Variants in PREPL observed in about 807,000 individuals in gnomAD.
The protein encoded by PREPL is prolyl endopeptidase like.
In PREPL, 77 loss-of-function variants were observed where a neutral mutation model predicts 70.6. The ratio of observed to expected loss-of-function variants is 1.09; its 90% CI spans 0.91 to 1.32. PREPL has a LOEUF of 1.32. Among genes scored for constraint, PREPL ranks in the 40% most tolerant of loss-of-function variants. The pLI, the probability that PREPL is intolerant of heterozygous loss-of-function variation, is 0.00. For synonymous variants in PREPL, 315 were observed against 264.8 expected (o/e 1.19, Z -1.84); for missense variants, 1,002 against 778.2 (o/e 1.29, Z -3.42).
In PREPL at chr2:44,320,643, C is replaced by T. The variant is rs777174361; in HGVS notation, c.*713G>A. Reference sequence around the variant, plus strand: ...CATACTGTATACCTCGTGTTAGGCACCTTTATGAAGAGATGAAGACACTGG... The same window carrying T: ...CATACTGTATACCTCGTGTTAGGCATCTTTATGAAGAGATGAAGACACTGG... On this transcript the variant is annotated 3_prime_UTR_variant, in exon 14 of 14. Coordinates refer to ENST00000409411, the MANE Select transcript of PREPL (RefSeq NM_001171613.2). 24 of 1,611,378 alleles carry T rather than the reference C, an allele frequency of 1.5e-5. 2 individuals are homozygous for T. The South Asian group carries it at 2.4e-4, about 16-fold the overall frequency.
chr2:44,329,334 C>A (rs1572857991), intron 8 of PREPL, among the ~76,000 whole-genome samples: 1 of 152,158 alleles, frequency 6.6e-6, no homozygotes, highest in East Asian at 1.9e-4. Context: ...AAAAGAGCAG[C>A]AAGACTGGCC....
chr2:44,344,610 A>C (rs1473668781), intron 2 of PREPL, 24 bp from the exon 3 acceptor site: 2 of 1,526,676 alleles, frequency 1.3e-6, no homozygotes, highest in African/African-American at 2.8e-5. Context: ...CATGCAGTTT[A>C]CTTAATAATA....
chr2:44,323,499 C>T (rs1177681222), intron 10 of PREPL, 88 bp from the exon 11 acceptor site: 1 of 1,051,350 alleles, frequency 9.5e-7, no homozygotes, highest in African/African-American at 1.7e-5. Context: ...AATATACATA[C>T]TAATATGAGA....
intron 1 of PREPL, among the ~76,000 whole-genome samples, chr2:44,353,690 G>C (rs1023729522): frequency 1.3e-5 from 2 of 152,126 alleles, no homozygotes; most frequent in Non-Finnish European, 2.9e-5. Context: ...AGATGAAAGT[G>C]AGAGTCAAGA....
At chr2:44,339,012 A>G in intron 6 of PREPL, 135 bp downstream of exon 6, 1 of 1,390,490 alleles carries the variant, frequency 7.2e-7, no homozygotes, top group Admixed American at 2.7e-5. Context: ...CTAAGGGAAA[A>G]GAAATGGGAT....
At chr2:44,357,224 C>T (rs1677144660) in intron 1 of PREPL, among the ~76,000 whole-genome samples, 1 of 152,210 alleles carries the variant, frequency 6.6e-6, no homozygotes, top group Non-Finnish European at 1.5e-5. Flanking sequence ...TTTTCTGTTC[C>T]TTAGTTAACT....
intron 1 of PREPL, among the ~76,000 whole-genome samples, chr2:44,351,917 C>G (rs935214569): frequency 5.3e-5 from 8 of 152,322 alleles, no homozygotes; most frequent in Admixed American, 5.2e-4. Context: ...AAAATTCTTA[C>G]AATGGTCTAC....
rs766618229 is a variant in PREPL, at chr2:44,326,741, G to C, written c.1450C>G (p.Pro484Ala). 6.2e-7 allele frequency: 1 copy of C among 1,614,006 alleles called. No homozygotes were observed. Among genetic ancestry groups the C allele is most frequent in the Non-Finnish European group, 8.5e-7 (1 of 1,179,978 alleles). The change falls in exon 10 of 14, where the codon CCA becomes GCA. Residue 484 changes from proline to alanine, a missense_variant. Pro to Ala is a conservative substitution (Grantham distance 27). Coordinates refer to ENST00000409411, the MANE Select transcript of PREPL (RefSeq NM_001171613.2). The stretch of plus-strand genomic sequence containing the variant: ...AAAGTCACCGCTCTCACCAGCTCTG[G>C]ATTAGAATTACACAATGCTCCTGCA... The part of the protein sequence containing the change: ...VLAGALCNSN[P>A]ELVRAVTLEA...
intron 1 of PREPL, among the ~76,000 whole-genome samples, chr2:44,348,746 T>C (rs1676087935): frequency 6.6e-6 from 1 of 152,200 alleles, no homozygotes; most frequent in African/African-American, 2.4e-5. Flanking sequence ...CAAGCAGAAC[T>C]CAACAGCTTT....
intron 1 of PREPL, among the ~76,000 whole-genome samples, chr2:44,357,323 G>T (rs1246656889): frequency 6.6e-6 from 1 of 152,208 alleles, no homozygotes; most frequent in Non-Finnish European, 1.5e-5. Context: ...TATAAAAGTG[G>T]ACAGAGTTGG....
intron 13 of PREPL, 113 bp from the exon 14 acceptor site, chr2:44,321,558 G>A (rs1002456859): frequency 6.6e-7 from 1 of 1,508,270 alleles, no homozygotes; most frequent in South Asian, 1.3e-5. Context: ...AGCAATTTAT[G>A]GCAAGAATAC....
At chr2:44,361,840 A>G, upstream of PREPL, 8 of 1,276,030 alleles carry the variant, frequency 6.3e-6, no homozygotes, top group Non-Finnish European at 8.0e-6. Context: ...CCTGGTTGCC[A>G]AGGAGATGCG....
At chr2:44,345,201 G>A (rs546277347) in intron 2 of PREPL, among the ~76,000 whole-genome samples, 1 of 152,288 alleles carries the variant, frequency 6.6e-6, no homozygotes, top group South Asian at 2.1e-4. Flanking sequence ...TGGTTGATAT[G>A]ATTTCAGTGG....
intron 8 of PREPL, among the ~76,000 whole-genome samples, chr2:44,331,375 C>T (rs538880689): frequency 9.2e-5 from 14 of 152,086 alleles, no homozygotes; most frequent in African/African-American, 3.4e-4. Context: ...CCACCACACC[C>T]GGCTAATTTT....
intron 8 of PREPL, among the ~76,000 whole-genome samples, chr2:44,330,891 C>T (rs2103812121): frequency 6.6e-6 from 1 of 152,256 alleles, no homozygotes; most frequent in South Asian, 2.1e-4. Context: ...CTCTACTCCT[C>T]ACCCTGCCAA....
At chr2:44,332,887 T>C in intron 7 of PREPL, among the ~76,000 whole-genome samples, 1 of 152,236 alleles carries the variant, frequency 6.6e-6, no homozygotes, top group East Asian at 1.9e-4. Flanking sequence ...AAATGATTTA[T>C]CATGATTCTA....
intron 3 of PREPL, 48 bp downstream of exon 3, chr2:44,344,472 T>C (rs756400730): frequency 7.8e-7 from 1 of 1,276,058 alleles, no homozygotes; most frequent in Non-Finnish European, 1.1e-6. Context: ...CTATAAAAAA[T>C]ATGAAATCTG....
rs1672573225 is a variant in PREPL at position 44,317,994 on chromosome 2, A to C, written c.*3362T>G. ...AAGCTTGCAACCCAGCTATAGCTATAAACACAAAAAATGAAGTTATCTTTT... is the reference window on the plus strand; with the variant it reads ...AAGCTTGCAACCCAGCTATAGCTATCAACACAAAAAATGAAGTTATCTTTT... On this transcript the variant is annotated 3_prime_UTR_variant, in exon 14 of 14. Transcript: ENST00000409411. The C allele has an allele frequency of 2.9e-6, 1 of 341,708 alleles. No homozygotes were observed. The highest frequency in any genetic ancestry group is 5.8e-6 in the Non-Finnish European group (1 of 172,394). 21.2% of individuals were successfully genotyped at this position (341,708 alleles called of 1,614,324 possible).
chr2:44,355,252 T>C (rs554648989), intron 1 of PREPL, among the ~76,000 whole-genome samples: 1 of 152,146 alleles, frequency 6.6e-6, no homozygotes, highest in Non-Finnish European at 1.5e-5. Flanking sequence ...ATGTCTCAAA[T>C]AAAATGTAAT....
Sources: gnomAD v4.1 joint callset for allele counts (sites outside exome capture counted in the v4.1 genomes callset) on GRCh38, gnomAD v4.1.1 for gene constraint, MANE v1.5 for transcripts, NCBI Gene and HGNC (gene_info 2026-07-23, HGNC 2026-07-21) for gene names.